Variants in PTPRG observed in about 807,000 individuals in gnomAD.
The protein encoded by PTPRG is protein tyrosine phosphatase receptor type G, also known as receptor-type tyrosine-protein phosphatase gamma.
Under a neutral mutation model 165.3 loss-of-function variants are expected in PTPRG, and 102 were observed. That is an observed-to-expected ratio of 0.62 (90% CI 0.53 to 0.73). The LOEUF (loss-of-function observed/expected upper bound fraction) is 0.73. Among genes scored for constraint, PTPRG ranks in the 30% least tolerant of loss-of-function variants. PTPRG has a pLI of 0.00. For missense variants in PTPRG, 1,866 were observed against 1,861.4 expected (o/e 1.00, Z -0.05); for synonymous variants, 675 against 669.5 (o/e 1.01, Z -0.13).
intron 1 of PTPRG, among the ~76,000 whole-genome samples, chr3:61,603,469 A>G (rs1575531015): frequency 6.6e-6 from 1 of 152,326 alleles, no homozygotes; most frequent in Non-Finnish European, 1.5e-5. Flanking sequence ...AGATGCCAGC[A>G]CTGTGCTTCC....
At chr3:62,192,130 G>A (rs1390615197) in intron 9 of PTPRG, among the ~76,000 whole-genome samples, 1 of 152,126 alleles carries the variant, frequency 6.6e-6, no homozygotes, top group East Asian at 1.9e-4. Flanking sequence ...GTCCACAGTC[G>A]CTGCCACTTC....
At chr3:61,913,154 C>T (rs66532527) in intron 2 of PTPRG, among the ~76,000 whole-genome samples, 18,607 of 152,278 alleles carry the variant, frequency 0.12, 1,657 homozygotes, top group East Asian at 0.48. Flanking sequence ...CTGTTGAACC[C>T]ATCACCCAAA....
At chr3:62,046,606 C>G (rs922582512) in intron 4 of PTPRG, among the ~76,000 whole-genome samples, 6 of 152,104 alleles carry the variant, frequency 3.9e-5, no homozygotes, top group Admixed American at 3.3e-4. Context: ...ATTTCAAAGT[C>G]TTTCTTTCCT....
chr3:61,837,437 G>A (rs1241965162), intron 2 of PTPRG, among the ~76,000 whole-genome samples: 1 of 152,230 alleles, frequency 6.6e-6, no homozygotes, highest in Non-Finnish European at 1.5e-5. Flanking sequence ...AAAGTAACTG[G>A]AAGTTGAGTC....
At position 62,114,855 on chromosome 3, in the gene PTPRG, G is replaced by A. The variant is rs541808182; in HGVS notation, c.616-17747G>A. 2.2e-4 allele frequency among the ~76,000 whole-genome samples: 33 copies of A among 152,142 alleles called. 1 individual carries two copies. Among genetic ancestry groups the A allele is most frequent in the African/African-American group, 7.7e-4 (32 of 41,502 alleles). On this transcript the variant is annotated intron_variant, in intron 5 of 29. Transcript: ENST00000474889. ...AGGGTTCACTATGTTGTCCAGGTTG[G>A]TCTTGAACTCCTGGCCTCAAGCAAT...
In PTPRG at chr3:62,103,532, G is replaced by A. The variant is rs186750024; in HGVS notation, c.615+25274G>A. 1.5e-3 allele frequency among the ~76,000 whole-genome samples: 229 copies of A among 152,298 alleles called. 3 individuals are homozygous for A. The highest frequency in any genetic ancestry group is 0.012 in the South Asian group (56 of 4,830). On this transcript the variant is annotated intron_variant, in intron 5 of 29. Transcript: ENST00000474889. ...TGCCTAGAAAGGCCAGCCCTAGAAAGGAATACATAATTATCTTCTAGTTTG... is the reference window on the plus strand; with the variant it reads ...TGCCTAGAAAGGCCAGCCCTAGAAAAGAATACATAATTATCTTCTAGTTTG...
At position 61,584,067 on chromosome 3, in the gene PTPRG, G is replaced by A. The variant is rs187523464; in HGVS notation, c.85+21695G>A. On this transcript the variant is annotated intron_variant, in intron 1 of 29. Transcript: ENST00000474889. Reference sequence around the variant, plus strand: ...GGTTTTTCGAGTTCATTCATTTTGAGCTTTTTATCTTCGGGAATCTGAGGA... The same window carrying A: ...GGTTTTTCGAGTTCATTCATTTTGAACTTTTTATCTTCGGGAATCTGAGGA... 2.0e-5 allele frequency among the ~76,000 whole-genome samples: 3 copies of A among 152,246 alleles called. No homozygotes were observed. The East Asian group carries it at 5.8e-4, about 29-fold the overall frequency.
intron 1 of PTPRG, among the ~76,000 whole-genome samples, chr3:61,565,962 T>A (rs930671108): frequency 7.9e-5 from 12 of 152,116 alleles, no homozygotes; most frequent in Admixed American, 2.0e-4. Flanking sequence ...CTCCCTCATG[T>A]ATCATGTTTG....
At chr3:61,972,098 G>C (rs1424631951) in intron 2 of PTPRG, among the ~76,000 whole-genome samples, 1 of 152,226 alleles carries the variant, frequency 6.6e-6, no homozygotes, top group Non-Finnish European at 1.5e-5. Flanking sequence ...GAGGAAGAAA[G>C]CACAATGGAA....
chr3:61,677,244 C>CA (rs11426161), intron 1 of PTPRG, among the ~76,000 whole-genome samples: 12,818 of 70,884 alleles, frequency 0.18, 940 homozygotes, highest in East Asian at 0.35. Flanking sequence ...GACTCCGTCT[C>CA]AAAAAAAAAA....
At chr3:61,689,488 T>C (rs1330435301) in intron 1 of PTPRG, among the ~76,000 whole-genome samples, 1 of 152,206 alleles carries the variant, frequency 6.6e-6, no homozygotes, top group Non-Finnish European at 1.5e-5. Context: ...AATAAATACA[T>C]AGGCCATTAC....
chr3:62,261,929 T>A (rs1180773730), intron 16 of PTPRG: 4 of 152,234 alleles, frequency 2.6e-5, no homozygotes, highest in Admixed American at 2.6e-4. Context: ...CTGCTACATC[T>A]GTTCTGTGTA....
chr3:61,647,031 T>C (rs988870387), intron 1 of PTPRG, among the ~76,000 whole-genome samples: 1 of 152,210 alleles, frequency 6.6e-6, no homozygotes, highest in African/African-American at 2.4e-5. Context: ...GGGCTTTTCC[T>C]AGTTTGGGGC....
At chr3:61,970,008 A>G (rs1295328329) in intron 2 of PTPRG, among the ~76,000 whole-genome samples, 1 of 152,238 alleles carries the variant, frequency 6.6e-6, no homozygotes, top group Non-Finnish European at 1.5e-5. Flanking sequence ...TGTGAGGCAG[A>G]TCAATCTTCA....
intron 5 of PTPRG, among the ~76,000 whole-genome samples, chr3:62,115,588 C>G (rs1702833864): frequency 6.6e-6 from 1 of 151,534 alleles, no homozygotes; most frequent in African/African-American, 2.4e-5. Context: ...AGAATTTCAA[C>G]TTATAGAGTA....
intron 6 of PTPRG, among the ~76,000 whole-genome samples, chr3:62,137,944 A>C (rs1235056216): frequency 4.6e-5 from 7 of 152,198 alleles, no homozygotes; most frequent in African/African-American, 7.2e-5. Context: ...GTTATCGCTG[A>C]GTTCTTTGGC....
chr3:62,043,322 T>A (rs1700185280), intron 4 of PTPRG, among the ~76,000 whole-genome samples: 1 of 152,230 alleles, frequency 6.6e-6, no homozygotes, highest in African/African-American at 2.4e-5. Flanking sequence ...TCTTTCCAGC[T>A]GCACACATCA....
rs114606061 is a variant in PTPRG at position 62,054,414 on chromosome 3, A to G, written c.520-23749A>G. 1.4e-3 allele frequency among the ~76,000 whole-genome samples: 220 copies of G among 152,338 alleles called. 2 individuals are homozygous for G. The highest frequency in any genetic ancestry group is 5.0e-3 in the African/African-American group (206 of 41,582). The stretch of plus-strand genomic sequence containing the variant: ...GGAATAACTGGTTATGTTAGTGTCT[A>G]TAGATCCATTTGTAAGGATCAATTT... On this transcript the variant is annotated intron_variant, in intron 4 of 29. Coordinates refer to ENST00000474889, the MANE Select transcript of PTPRG (RefSeq NM_002841.4).
chr3:62,106,298 G>A lies in PTPRG; in HGVS notation c.616-26304G>A, dbSNP rs763726104. On this transcript the variant is annotated intron_variant, in intron 5 of 29. Transcript: ENST00000474889. ...TACTGGACTCTAACATCACAGTTGGGTAGCACCTTTGTGGTACATCTCAGC... is the reference window on the plus strand; with the variant it reads ...TACTGGACTCTAACATCACAGTTGGATAGCACCTTTGTGGTACATCTCAGC... Among the ~76,000 whole-genome samples the A allele has an allele frequency of 3.3e-5, 5 of 152,254 alleles. No individual in the cohort carries two copies. The South Asian group carries it at 6.2e-4, about 19-fold the overall frequency.
Sources: allele counts gnomAD v4.1 joint callset (sites outside exome capture counted in the v4.1 genomes callset), GRCh38; gene constraint gnomAD v4.1.1; transcripts MANE v1.5; gene names NCBI Gene and HGNC (gene_info 2026-07-23, HGNC 2026-07-21).